The following PDE8B variants were observed in gnomAD, a reference collection of about 807,000 sequenced individuals.
PDE8B encodes the protein high affinity cAMP-specific and IBMX-insensitive 3',5'-cyclic phosphodiesterase 8B.
PDE8B carries 26 observed loss-of-function variants against 101.3 expected under a neutral mutation model. That is an observed-to-expected ratio of 0.26 (90% CI 0.19 to 0.36). The LOEUF (loss-of-function observed/expected upper bound fraction) is 0.36, where lower values mean the gene tolerates loss of function less well. Ranked by LOEUF, PDE8B falls within the 10% of genes least tolerant of loss-of-function variation. PDE8B has a pLI of 1.00. For synonymous variants in PDE8B, 424 were observed against 429.3 expected, an observed-to-expected ratio of 0.99 and a Z score of 0.15; for missense variants, 810 against 1,163.1, an observed-to-expected ratio of 0.70 and a Z score of 4.42.
intron 1 of PDE8B, among the ~76,000 whole-genome samples, chr5:77,273,574 T>C (rs899440000): frequency 6.6e-6 from 1 of 152,088 alleles, no homozygotes; most frequent in African/African-American, 2.4e-5. Flanking sequence ...GGCAGGGTAG[T>C]ACACTTACTG....
chr5:77,312,089 AT>A, intron 2 of PDE8B, 36 bp downstream of exon 2: 1 of 1,234,320 alleles, frequency 8.1e-7, no homozygotes, highest in Non-Finnish European at 1.2e-6. Context: ...GACTCAGATT[AT>A]TTTCTTTTTT....
chr5:77,294,025 T>C (rs1767965198), intron 1 of PDE8B, among the ~76,000 whole-genome samples: 1 of 152,224 alleles, frequency 6.6e-6, no homozygotes, highest in African/African-American at 2.4e-5. Context: ...CAGCTTATTT[T>C]GAAAGCAGAA....
intron 12 of PDE8B, among the ~76,000 whole-genome samples, chr5:77,405,638 A>AG (rs1252830467): frequency 1.3e-5 from 2 of 152,062 alleles, no homozygotes; most frequent in African/African-American, 4.8e-5. Flanking sequence ...AGTCTCAGCC[A>AG]GGGGGTGGGC....
chr5:77,290,521 TAGTA>T, intron 1 of PDE8B: 1 of 1,472,580 alleles, frequency 6.8e-7, no homozygotes, highest in Non-Finnish European at 9.5e-7. Flanking sequence ...CGAGGAGAAA[TAGTA>T]AGACAGATTG....
chr5:77,115,066 A>G, the PDE8B span: 5 of 152,342 alleles, frequency 3.3e-5, no homozygotes, highest in South Asian at 1.0e-3. Flanking sequence ...CTTATTGGCC[A>G]AATGTGCCAG....
At chr5:77,280,318 G>C (rs1457108872) in intron 1 of PDE8B, among the ~76,000 whole-genome samples, 2 of 152,150 alleles carry the variant, frequency 1.3e-5, no homozygotes, top group African/African-American at 4.8e-5. Context: ...GACCACACCT[G>C]TGCCACTGCT....
Position 77,354,099 on chromosome 5 carries a change from G to A in PDE8B, c.1167+693G>A, listed in dbSNP as rs1483818569. Among the ~76,000 whole-genome samples, 5 of 152,308 alleles carry A rather than the reference G, an allele frequency of 3.3e-5. No individual in the cohort carries two copies. The East Asian group carries it at 9.6e-4, about 29-fold the overall frequency. ...CTTTGATTTTTATGAGGATTTTAAA[G>A]AGGGACAGTATCTCTAAAGGATTTC... On this transcript the variant is annotated intron_variant, in intron 10 of 21. Transcript: ENST00000264917.
the PDE8B span, chr5:77,100,239 T>C: frequency 3.3e-5 from 5 of 152,308 alleles, no homozygotes; most frequent in East Asian, 7.7e-4. Context: ...CTCCTAGGGT[T>C]CTAGGATGCC....
chr5:77,404,611 TA>T, intron 11 of PDE8B, 108 bp from the exon 12 acceptor site: 1 of 731,930 alleles, frequency 1.4e-6, no homozygotes. Context: ...TTATAGTGCT[TA>T]AAAAGTAACC....
At chr5:77,329,849 G>T (rs1012126677) in intron 4 of PDE8B, among the ~76,000 whole-genome samples, 7 of 152,064 alleles carry the variant, frequency 4.6e-5, no homozygotes, top group Non-Finnish European at 8.8e-5. Flanking sequence ...TGCGACAAAG[G>T]CCAGGAAAGT....
the PDE8B span, chr5:77,146,892 T>C: frequency 2.4e-6 from 1 of 415,300 alleles, no homozygotes; most frequent in South Asian, 2.2e-5. Context: ...TGTTCTGTTC[T>C]GAGTATTGCC....
chr5:77,131,467 A>G, the PDE8B span, among the ~76,000 whole-genome samples: 1 of 152,186 alleles, frequency 6.6e-6, no homozygotes, highest in Non-Finnish European at 1.5e-5. Flanking sequence ...GATGGATTAT[A>G]AGGTAGCAAC....
In PDE8B at chr5:77,404,733, C is replaced by T. The variant is rs748942342; in HGVS notation, c.1224C>T (p.Phe408=). 6.3e-7 allele frequency: 1 copy of T among 1,592,782 alleles called. No individual in the cohort carries two copies. Among genetic ancestry groups the T allele is most frequent in the South Asian group, 1.1e-5 (1 of 90,658 alleles). ...TGAAATCCTTAGAGCCTCATTCATT[C>T]AGATATAAGAACAGGAGGAAAGAGT... ...GDNSQTEPHS[F]RYKNRRKESI... is the part of the protein sequence containing the mutation. Residue 408 remains phenylalanine, a synonymous_variant, in exon 12 of 22, where the codon TTC becomes TTT. Coordinates refer to ENST00000264917, the MANE Select transcript of PDE8B (RefSeq NM_003719.5).
chr5:77,356,409 T>G (rs553115533), intron 10 of PDE8B, among the ~76,000 whole-genome samples: 1 of 152,190 alleles, frequency 6.6e-6, no homozygotes, highest in African/African-American at 2.4e-5. Flanking sequence ...GCCCTGACAT[T>G]ATATCTGCTC....
chr5:77,155,719 G>T, the PDE8B span, among the ~76,000 whole-genome samples: 1 of 152,148 alleles, frequency 6.6e-6, no homozygotes. Flanking sequence ...CTCAGAGGTT[G>T]CCTAACTTGC....
intron 10 of PDE8B, among the ~76,000 whole-genome samples, chr5:77,361,123 G>A (rs552045573): frequency 2.0e-4 from 31 of 152,188 alleles, no homozygotes; most frequent in Non-Finnish European, 3.5e-4. Context: ...ACATTTGTAC[G>A]TCTGTTTTAT....
At chr5:77,400,176 TTGA>T (rs1339703223) in intron 10 of PDE8B, 69 bp from the exon 11 acceptor site, 22 of 1,036,150 alleles carry the variant, frequency 2.1e-5, no homozygotes, top group Non-Finnish European at 3.2e-5. Flanking sequence ...ACTAAATTGT[TTGA>T]TGAGAAATAT....
At chr5:77,290,974 A>T (rs541096550) in intron 1 of PDE8B, 1 of 1,611,888 alleles carries the variant, frequency 6.2e-7, no homozygotes, top group Non-Finnish European at 8.5e-7. Context: ...ATGGCCAAAG[A>T]TGAACGAGTG....
the PDE8B span, chr5:77,146,071 A>G: frequency 1.3e-5 from 2 of 152,070 alleles, no homozygotes; most frequent in African/African-American, 2.4e-5. Context: ...ATTTTACTAT[A>G]TTCATTCCTT....
Sources: gnomAD v4.1 joint callset for allele counts (sites outside exome capture counted in the v4.1 genomes callset) on GRCh38, gnomAD v4.1.1 for gene constraint, MANE v1.5 for transcripts, NCBI Gene and HGNC (gene_info 2026-07-23, HGNC 2026-07-21) for gene names.